HOMER1: variants seen among roughly 807,000 people sequenced by gnomAD.
HOMER1 encodes homer scaffold protein 1.
A neutral mutation model predicts 48.9 loss-of-function variants in HOMER1; 3 were observed. The ratio of observed to expected loss-of-function variants is 0.06; its 90% CI spans 0.03 to 0.16. The LOEUF is 0.16. Ranked by LOEUF, HOMER1 falls within the 10% of genes least tolerant of loss-of-function variation. HOMER1 has a pLI of 1.00. For missense variants in HOMER1, 247 were observed against 411.4 expected (o/e 0.60, Z 3.46); for synonymous variants, 134 against 146.4 (o/e 0.92, Z 0.61).
At chr5:79,426,409 C>T (rs533424521) in intron 5 of HOMER1, among the ~76,000 whole-genome samples, 1 of 152,136 alleles carries the variant, frequency 6.6e-6, no homozygotes, top group South Asian at 2.1e-4. Context: ...TAGTACCACA[C>T]TGTGTATATG....
intron 1 of HOMER1, among the ~76,000 whole-genome samples, chr5:79,498,199 G>A (rs1752479981): frequency 6.6e-6 from 1 of 152,104 alleles, no homozygotes; most frequent in Non-Finnish European, 1.5e-5. Flanking sequence ...CCTGGAGTTC[G>A]AGACCAGCCT....
chr5:79,507,514 C>T (rs773508884), intron 1 of HOMER1, among the ~76,000 whole-genome samples: 2 of 151,998 alleles, frequency 1.3e-5, no homozygotes, highest in Non-Finnish European at 2.9e-5. Flanking sequence ...CATTTCATTC[C>T]ACGAGATACG....
At chr5:79,497,136 G>A (rs927830723) in intron 1 of HOMER1, among the ~76,000 whole-genome samples, 1 of 150,420 alleles carries the variant, frequency 6.6e-6, no homozygotes, top group Non-Finnish European at 1.5e-5. Context: ...ACAAACTTAA[G>A]GATATCTAGA....
At chr5:79,463,340 A>C (rs1156476084) in intron 1 of HOMER1, among the ~76,000 whole-genome samples, 1 of 152,244 alleles carries the variant, frequency 6.6e-6, no homozygotes, top group Non-Finnish European at 1.5e-5. Context: ...CAGACAGTAC[A>C]CATGTAAGAA....
chr5:79,411,143 A>T (rs991900877), intron 5 of HOMER1, among the ~76,000 whole-genome samples: 6 of 152,322 alleles, frequency 3.9e-5, no homozygotes, highest in African/African-American at 1.4e-4. Flanking sequence ...CAAAAACACC[A>T]TTTGAAAGGT....
At chr5:79,500,095 G>A (rs536328494) in intron 1 of HOMER1, among the ~76,000 whole-genome samples, 4 of 152,132 alleles carry the variant, frequency 2.6e-5, no homozygotes, top group Non-Finnish European at 4.4e-5. Flanking sequence ...AAAGAACCCA[G>A]AGTAAGGACC....
chr5:79,397,215 A>C (rs1039531903), intron 7 of HOMER1, among the ~76,000 whole-genome samples: 1 of 152,170 alleles, frequency 6.6e-6, no homozygotes, highest in Non-Finnish European at 1.5e-5. Context: ...TTTTGACTGG[A>C]ACCCAGAGAA....
chr5:79,453,346 C>T lies in HOMER1; in HGVS notation c.163-2225G>A, dbSNP rs184828382. ...CAGGTTTTATAGGCATCTAAGAAAACTGACCAACGTGCTGGTAGTTGGTCA... is the reference window on the plus strand; with the variant it reads ...CAGGTTTTATAGGCATCTAAGAAAATTGACCAACGTGCTGGTAGTTGGTCA... On this transcript the variant is annotated intron_variant, in intron 2 of 8. Transcript: ENST00000334082. Among the ~76,000 whole-genome samples the T allele has an allele frequency of 2.8e-4, 43 of 152,302 alleles. 1 individual carries two copies. The East Asian group carries it at 7.9e-3, about 28-fold the overall frequency.
intron 5 of HOMER1, among the ~76,000 whole-genome samples, chr5:79,410,423 G>A (rs1038798829): frequency 8.6e-5 from 13 of 151,046 alleles, no homozygotes; most frequent in Non-Finnish European, 1.5e-4. Context: ...CCCAGGAGGC[G>A]GAGGCTGCAG....
intron 5 of HOMER1, among the ~76,000 whole-genome samples, chr5:79,418,310 A>G (rs1749999634): frequency 6.6e-6 from 1 of 152,216 alleles, no homozygotes; most frequent in South Asian, 2.1e-4. Context: ...CTATTATCAA[A>G]AGAGGCTTTT....
At chr5:79,438,258 C>A (rs184173764) in intron 5 of HOMER1, among the ~76,000 whole-genome samples, 3 of 152,166 alleles carry the variant, frequency 2.0e-5, no homozygotes, top group African/African-American at 7.2e-5. Context: ...CAAAGAAGGA[C>A]AAAAAATTAA....
intron 1 of HOMER1, chr5:79,510,472 C>A: frequency 1.4e-6 from 1 of 691,516 alleles, no homozygotes; most frequent in Non-Finnish European, 2.7e-6. Context: ...ACAACCAGTC[C>A]CAAAAATGGC....
At chr5:79,430,093 T>C (rs1322239147) in intron 5 of HOMER1, among the ~76,000 whole-genome samples, 3 of 150,008 alleles carry the variant, frequency 2.0e-5, no homozygotes, top group Middle Eastern at 3.4e-3. Flanking sequence ...ACACAACTAA[T>C]AGAACTGAAG....
At chr5:79,404,099 T>C (rs1749598991) in intron 5 of HOMER1, among the ~76,000 whole-genome samples, 1 of 152,238 alleles carries the variant, frequency 6.6e-6, no homozygotes, top group Admixed American at 6.5e-5. Flanking sequence ...GCGTTTTATT[T>C]AAATGGAAAC....
chr5:79,443,017 G>A (rs1311131834), intron 4 of HOMER1, among the ~76,000 whole-genome samples: 1 of 152,190 alleles, frequency 6.6e-6, no homozygotes, highest in African/African-American at 2.4e-5. Flanking sequence ...TATATTGGCT[G>A]ATTGATGCTT....
intron 8 of HOMER1, among the ~76,000 whole-genome samples, chr5:79,392,161 CTATT>C (rs1749269854): frequency 6.6e-6 from 1 of 152,176 alleles, no homozygotes; most frequent in Non-Finnish European, 1.5e-5. Context: ...TTATACTATA[CTATT>C]TATTACTATT....
chr5:79,465,402 G>T (rs1012459357), intron 1 of HOMER1, among the ~76,000 whole-genome samples: 1 of 151,894 alleles, frequency 6.6e-6, no homozygotes, highest in Non-Finnish European at 1.5e-5. Context: ...GGTGAACACT[G>T]AAATTAAAGG....
Position 79,396,894 on chromosome 5 carries a change from T to C in HOMER1, c.805A>G (p.Arg269Gly), listed in dbSNP as rs536340179. The C allele has an allele frequency of 3.8e-6, 6 of 1,583,684 alleles. No individual in the cohort carries two copies. Among genetic ancestry groups the C allele is most frequent in the Middle Eastern group, 1.7e-4 (1 of 6,018 alleles). Residue 269 changes from arginine (R) to glycine (G), a missense_variant, in exon 8 of 9, where the codon AGG (arginine) becomes GGG (glycine). Physicochemically the swap from Arg to Gly is moderately radical, Grantham distance 125. Coordinates refer to ENST00000334082, the MANE Select transcript of HOMER1 (RefSeq NM_004272.5). ...TLKLKEEEIE[R>G]LKQEIDNARE... The stretch of plus-strand genomic sequence containing the variant: ...GCATTATCAATTTCTTGTTTTAACC[T>C]TTCTATTTCCTAGAAAAGACAGAGC...
At chr5:79,418,365 CAA>C (rs773819475) in intron 5 of HOMER1, among the ~76,000 whole-genome samples, 4 of 152,118 alleles carry the variant, frequency 2.6e-5, no homozygotes, top group Non-Finnish European at 5.9e-5. Flanking sequence ...TCGATGGAAG[CAA>C]AAGTCTCCTA....
Sources: allele counts gnomAD v4.1 joint callset (sites outside exome capture counted in the v4.1 genomes callset), GRCh38; gene constraint gnomAD v4.1.1; transcripts MANE v1.5; gene names NCBI Gene and HGNC (gene_info 2026-07-23, HGNC 2026-07-21).